SNTG1: variants seen among roughly 807,000 people sequenced by gnomAD.
SNTG1 encodes gamma-1-syntrophin.
A neutral mutation model predicts 74.7 loss-of-function variants in SNTG1; 39 were observed. The observed-to-expected ratio is 0.52, with a 90% CI of 0.40 to 0.68. SNTG1 has a LOEUF of 0.68. SNTG1 is among the 30% of genes least tolerant of loss of function. The pLI, the probability that SNTG1 is intolerant of heterozygous loss-of-function variation, is 0.00. For missense variants in SNTG1, 685 were observed against 609.5 expected (o/e 1.12, Z -1.30); for synonymous variants, 254 against 217.1 (o/e 1.17, Z -1.49).
chr8:50,555,102 C>A lies in SNTG1; in HGVS notation c.810+1923C>A, dbSNP rs147415738. 1.4e-3 allele frequency among the ~76,000 whole-genome samples: 208 copies of A among 152,274 alleles called. 3 individuals carry two copies. In the East Asian group the frequency reaches 0.036, roughly 26 times the overall value. On this transcript the variant is annotated intron_variant, in intron 12 of 18. Transcript: ENST00000642720. ...AACAGTGAAGATGCAAATGTCTCTA[C>A]CCTCTGTAAGCCTAAGGAGGGACAA...
At chr8:50,443,844 TG>T (rs2093380657) in intron 5 of SNTG1, among the ~76,000 whole-genome samples, 1 of 152,062 alleles carries the variant, frequency 6.6e-6, no homozygotes, top group African/African-American at 2.4e-5. Context: ...TATTTAAAAC[TG>T]AAATAAGACC....
intron 4 of SNTG1, among the ~76,000 whole-genome samples, chr8:50,434,196 A>G (rs964789673): frequency 6.6e-6 from 1 of 151,828 alleles, no homozygotes; most frequent in African/African-American, 2.4e-5. Context: ...AGCTTTATCC[A>G]TTTCCCTACA....
At chr8:50,471,244 A>T (rs1315586495) in intron 8 of SNTG1, among the ~76,000 whole-genome samples, 8 of 147,542 alleles carry the variant, frequency 5.4e-5, no homozygotes, top group South Asian at 2.2e-4. Context: ...AAATCATATA[A>T]TTTTTTTTTT....
chr8:50,404,192 A>G (rs943866898), intron 4 of SNTG1, among the ~76,000 whole-genome samples: 1 of 152,174 alleles, frequency 6.6e-6, no homozygotes, highest in African/African-American at 2.4e-5. Context: ...TCAGAAAGAC[A>G]ATACACTCAG....
chr8:50,386,632 T>C (rs1478337890), intron 2 of SNTG1, among the ~76,000 whole-genome samples: 3 of 152,112 alleles, frequency 2.0e-5, no homozygotes, highest in East Asian at 1.9e-4. Flanking sequence ...CACCAGAGTC[T>C]ACATATGCTG....
chr8:49,982,886 A>G (rs1036156935), intron 1 of SNTG1, among the ~76,000 whole-genome samples: 2 of 152,198 alleles, frequency 1.3e-5, no homozygotes, highest in African/African-American at 4.8e-5. Context: ...GAGAGATGGG[A>G]ACTACAGTAA....
intron 2 of SNTG1, among the ~76,000 whole-genome samples, chr8:50,268,354 T>C (rs1020497129): frequency 2.0e-5 from 3 of 152,158 alleles, no homozygotes; most frequent in Non-Finnish European, 4.4e-5. Flanking sequence ...CAAATTAATC[T>C]ATAGATTTAA....
chr8:50,455,096 C>G (rs889772325), intron 8 of SNTG1, among the ~76,000 whole-genome samples: 1 of 152,078 alleles, frequency 6.6e-6, no homozygotes, highest in Non-Finnish European at 1.5e-5. Flanking sequence ...CAATGGTGAT[C>G]TTCCTCTCTT....
At chr8:49,976,637 T>C (rs1281493529) in intron 1 of SNTG1, among the ~76,000 whole-genome samples, 4 of 152,128 alleles carry the variant, frequency 2.6e-5, no homozygotes, top group Admixed American at 6.5e-5. Context: ...TAAACTGAGA[T>C]GTAATTGACA....
At chr8:50,778,554 GTTTC>G (rs1455624547) in intron 18 of SNTG1, among the ~76,000 whole-genome samples, 1 of 151,936 alleles carries the variant, frequency 6.6e-6, no homozygotes, top group Non-Finnish European at 1.5e-5. Context: ...GGGGTTGTTT[GTTTC>G]TTTCTTGTAA....
intron 2 of SNTG1, among the ~76,000 whole-genome samples, chr8:50,281,817 A>T (rs2088474598): frequency 6.6e-6 from 1 of 152,198 alleles, no homozygotes; most frequent in African/African-American, 2.4e-5. Flanking sequence ...TAAGTGAGCA[A>T]GAGTAGCAAT....
intron 15 of SNTG1, among the ~76,000 whole-genome samples, chr8:50,678,784 T>C (rs2095319637): frequency 1.3e-5 from 2 of 152,168 alleles, no homozygotes; most frequent in East Asian, 1.9e-4. Flanking sequence ...ATTGACGTTG[T>C]TCATAATTTT....
rs141025116 is a variant in SNTG1 at position 50,169,384 on chromosome 8, T to G, written c.-102-3177T>G. On this transcript the variant is annotated intron_variant, in intron 1 of 18. Coordinates refer to ENST00000642720, the MANE Select transcript of SNTG1 (RefSeq NM_018967.5). ...TAAGTCAAAAATGAAGTTCGACTTC[T>G]GCTTCTGAGAAAACTGGAGTAGGAG... 3.9e-4 allele frequency among the ~76,000 whole-genome samples: 60 copies of G among 152,380 alleles called. 1 individual carries two copies. Among genetic ancestry groups the G allele is most frequent in the Non-Finnish European group, 7.2e-4 (49 of 68,042 alleles).
intron 1 of SNTG1, among the ~76,000 whole-genome samples, chr8:50,071,957 G>A (rs1408338832): frequency 4.6e-5 from 7 of 151,992 alleles, no homozygotes; most frequent in Non-Finnish European, 1.0e-4. Flanking sequence ...TTCCATTAAA[G>A]AATACTATTT....
chr8:50,235,154 T>C (rs1262348069), intron 2 of SNTG1, among the ~76,000 whole-genome samples: 1 of 152,150 alleles, frequency 6.6e-6, no homozygotes, highest in African/African-American at 2.4e-5. Context: ...CTCATGTTCA[T>C]TGCAGCTGTA....
chr8:50,719,704 T>A (rs934859343), intron 17 of SNTG1, among the ~76,000 whole-genome samples: 1 of 152,178 alleles, frequency 6.6e-6, no homozygotes, highest in African/African-American at 2.4e-5. Context: ...GTGCTTTCTT[T>A]ACCACATGAA....
intron 1 of SNTG1, among the ~76,000 whole-genome samples, chr8:50,024,827 T>C (rs1488411868): frequency 2.0e-5 from 3 of 152,048 alleles, no homozygotes; most frequent in Non-Finnish European, 4.4e-5. Flanking sequence ...AAGGGATTAG[T>C]GGGTGGGCAA....
chr8:50,090,601 A>G (rs1485815349), intron 1 of SNTG1, among the ~76,000 whole-genome samples: 1 of 152,122 alleles, frequency 6.6e-6, no homozygotes, highest in African/African-American at 2.4e-5. Flanking sequence ...GGTGAAGACA[A>G]TGAGCTAATT....
intron 2 of SNTG1, among the ~76,000 whole-genome samples, chr8:50,388,044 T>C (rs773019111): frequency 2.0e-5 from 3 of 152,208 alleles, no homozygotes; most frequent in Admixed American, 6.5e-5. Context: ...TGGGGTTTAA[T>C]TTGTAATGTA....
Sources: gnomAD v4.1 joint callset for allele counts (sites outside exome capture counted in the v4.1 genomes callset) on GRCh38, gnomAD v4.1.1 for gene constraint, MANE v1.5 for transcripts, NCBI Gene and HGNC (gene_info 2026-07-23, HGNC 2026-07-21) for gene names.